Variants in PRKRA observed in about 807,000 individuals in gnomAD.
PRKRA encodes the protein protein activator of interferon induced protein kinase EIF2AK2.
A neutral mutation model predicts 32.4 loss-of-function variants in PRKRA; 22 were observed. That is an observed-to-expected ratio of 0.68 (90% CI 0.49 to 0.97). The LOEUF (loss-of-function observed/expected upper bound fraction) is 0.97, where lower values mean the gene tolerates loss of function less well. Among genes scored for constraint, PRKRA ranks in the 50% least tolerant of loss-of-function variants. The probability of loss-of-function intolerance (pLI) is 0.00; values close to 1 mark genes in which losing one functional copy is unlikely to be tolerated. For missense variants in PRKRA, 319 were observed against 375.6 expected, an observed-to-expected ratio of 0.85 and a Z score of 1.25; for synonymous variants, 139 against 129.8, an observed-to-expected ratio of 1.07 and a Z score of -0.48.
chr2:178,436,519 A>T (rs1475562965), intron 6 of PRKRA, among the ~76,000 whole-genome samples, 200 bp from the exon 7 acceptor site: 1 of 152,250 alleles, frequency 6.6e-6, no homozygotes, highest in Admixed American at 6.5e-5. Flanking sequence ...TATGTTTTTA[A>T]GAAGCACTTG....
chr2:178,438,509 C>G (rs1696991642), intron 6 of PRKRA, among the ~76,000 whole-genome samples: 1 of 152,154 alleles, frequency 6.6e-6, no homozygotes, highest in Non-Finnish European at 1.5e-5. Context: ...CTATTCCTGG[C>G]CCAGTAACTT....
intron 6 of PRKRA, among the ~76,000 whole-genome samples, chr2:178,441,038 C>T (rs1697092842): frequency 6.6e-6 from 1 of 152,194 alleles, no homozygotes; most frequent in South Asian, 2.1e-4. Flanking sequence ...TTTTTCTTCT[C>T]TCTGGAATTC....
At chr2:178,432,938 G>A (rs1216533083) in intron 7 of PRKRA, among the ~76,000 whole-genome samples, 7 of 152,162 alleles carry the variant, frequency 4.6e-5, no homozygotes, top group Non-Finnish European at 1.0e-4. Context: ...CCCATCAACT[G>A]ATGAGCCACT....
At chr2:178,446,862 G>A (rs1003523208) in intron 3 of PRKRA, among the ~76,000 whole-genome samples, 4 of 151,042 alleles carry the variant, frequency 2.6e-5, no homozygotes, top group East Asian at 1.9e-4. Context: ...GCGTAGTGGC[G>A]GGCGCCTGTA....
rs887816946 is a variant in PRKRA, at chr2:178,451,001, G to A, written c.30C>T (p.Ala10=). The change falls in exon 1 of 8, where the codon GCC becomes GCT. Residue 10 remains alanine (A), a synonymous_variant. Coordinates refer to ENST00000325748, the MANE Select transcript of PRKRA (RefSeq NM_003690.5). MSQSRHRAE[A]PPLEREDSGT... is the part of the protein sequence containing the mutation. ...CACTGTCCTCGCGCTCCAGCGGCGG[G>A]GCCTCGGCGCGGTGCCTGCTCTGGG... is the stretch of plus-strand genomic sequence containing the variant. The A allele has an allele frequency of 1.3e-6, 2 of 1,562,808 alleles. No individual in the cohort carries two copies. Among genetic ancestry groups the A allele is most frequent in the African/African-American group, 2.8e-5 (2 of 71,652 alleles).
rs570528133 is a variant in PRKRA at position 178,449,038 on chromosome 2, C to T, written c.235+1204G>A. Reference sequence around the variant, plus strand: ...TCTGTAACTGGGCTTGGGATGTAGACAGACATTTCAGAATATTAGTCTTTA... The same window carrying T: ...TCTGTAACTGGGCTTGGGATGTAGATAGACATTTCAGAATATTAGTCTTTA... On this transcript the variant is annotated intron_variant, in intron 2 of 7. Transcript: ENST00000325748. Among the ~76,000 whole-genome samples the T allele has an allele frequency of 1.6e-4, 24 of 152,296 alleles. No individual in the cohort carries two copies. In the East Asian group the frequency reaches 3.1e-3, roughly 20 times the overall value.
intron 3 of PRKRA, 163 bp downstream of exon 3, chr2:178,447,340 TAA>T (rs1190085947): frequency 2.4e-6 from 3 of 1,255,410 alleles, no homozygotes; most frequent in African/African-American, 3.0e-5. Context: ...TTTGATTGGA[TAA>T]AGTTTTCTTT....
chr2:178,449,439 ATTT>A (rs1167090045), intron 2 of PRKRA, among the ~76,000 whole-genome samples: 1 of 152,118 alleles, frequency 6.6e-6, no homozygotes, highest in African/African-American at 2.4e-5. Context: ...TTCCTACTAA[ATTT>A]TTTTCTTGGC....
chr2:178,436,962 C>G (rs919732248), intron 6 of PRKRA, among the ~76,000 whole-genome samples: 1 of 152,068 alleles, frequency 6.6e-6, no homozygotes, highest in Non-Finnish European at 1.5e-5. Flanking sequence ...CTTTTCATCT[C>G]TGTCCTTAGA....
chr2:178,447,045 TTAA>T (rs1697344694), intron 3 of PRKRA, among the ~76,000 whole-genome samples: 1 of 147,822 alleles, frequency 6.8e-6, no homozygotes, highest in African/African-American at 2.5e-5. Context: ...ATGTCAAGAA[TTAA>T]TATCCCACTT....
At chr2:178,438,411 CCCA>C (rs766784604) in intron 6 of PRKRA, among the ~76,000 whole-genome samples, 3 of 152,180 alleles carry the variant, frequency 2.0e-5, no homozygotes, top group Non-Finnish European at 4.4e-5. Context: ...CATCCTCTCA[CCCA>C]CTGATCTGAA....
chr2:178,447,793 GAAA>G lies in PRKRA; in HGVS notation c.236-210_236-208del, dbSNP rs542872236. Among the ~76,000 whole-genome samples the G allele has an allele frequency of 2.3e-3, 351 of 152,168 alleles. 3 individuals carry two copies. The highest frequency in any genetic ancestry group is 7.9e-3 in the African/African-American group (329 of 41,520). ...TACTGTAATAAAATATTCACCATGT[GAAA>G]AAATTTTAAAAAATAACTTTTTAAA... is the stretch of plus-strand genomic sequence containing the variant. On this transcript the variant is annotated intron_variant, in intron 2 of 7. Coordinates refer to ENST00000325748, the MANE Select transcript of PRKRA (RefSeq NM_003690.5).
chr2:178,442,117 T>G (rs1027396244), intron 5 of PRKRA, among the ~76,000 whole-genome samples: 6 of 152,148 alleles, frequency 3.9e-5, no homozygotes, highest in African/African-American at 1.4e-4. Context: ...ACTCCTTACC[T>G]CATATGATCG....
rs1696675761 is a variant in PRKRA, at chr2:178,432,015, C to T, written c.*82G>A. On this transcript the variant is annotated 3_prime_UTR_variant, in exon 8 of 8. Coordinates refer to ENST00000325748, the MANE Select transcript of PRKRA (RefSeq NM_003690.5). ...GAGATTTAGAAACAAGACATAAACA[C>T]TACGGTAAAAGTTTTACTTGGGAAG... 3.4e-6 allele frequency: 5 copies of T among 1,461,604 alleles called. No homozygotes were observed. The highest frequency in any genetic ancestry group is 4.8e-6 in the Non-Finnish European group (5 of 1,052,194). 90.5% of individuals were successfully genotyped at this position (1,461,604 alleles called of 1,614,324 possible). A position where few individuals can be genotyped will look rare whatever the true frequency, so the allele number is the denominator to read the frequency against.
chr2:178,447,371 A>G (rs1697361306), intron 3 of PRKRA, 134 bp downstream of exon 3: 7 of 1,463,932 alleles, frequency 4.8e-6, no homozygotes, highest in Non-Finnish European at 5.6e-6. Flanking sequence ...ATAAGTTTTC[A>G]TAAGGAAATA....
chr2:178,440,705 T>C (rs77053680), intron 6 of PRKRA, among the ~76,000 whole-genome samples: 297 of 152,360 alleles, frequency 1.9e-3, no homozygotes, highest in Non-Finnish European at 3.4e-3. Flanking sequence ...CAAGCTGTCA[T>C]GTCTCACGTG....
At chr2:178,442,127 G>A (rs1166420047) in intron 5 of PRKRA, among the ~76,000 whole-genome samples, 1 of 151,852 alleles carries the variant, frequency 6.6e-6, no homozygotes, top group African/African-American at 2.4e-5. Context: ...TCATATGATC[G>A]GCCCACCTCA....
At chr2:178,448,201 C>G (rs1697394333) in intron 2 of PRKRA, among the ~76,000 whole-genome samples, 1 of 152,142 alleles carries the variant, frequency 6.6e-6, no homozygotes. Flanking sequence ...GCATGGGTAG[C>G]TAAGTTGGGA....
In PRKRA at chr2:178,432,076, A is replaced by G. The variant is rs1202400235; in HGVS notation, c.*21T>C. 3.7e-6 allele frequency: 6 copies of G among 1,613,858 alleles called. No individual in the cohort carries two copies. On this transcript the variant is annotated 3_prime_UTR_variant, in exon 8 of 8. Transcript: ENST00000325748. ...GGAACTTTTTATGTGCTACTGAAAG[A>G]TTTTTTAAGTTGCTCCAGATTTACT...
Sources: gnomAD v4.1 joint callset for allele counts (sites outside exome capture counted in the v4.1 genomes callset) on GRCh38, gnomAD v4.1.1 for gene constraint, MANE v1.5 for transcripts, NCBI Gene and HGNC (gene_info 2026-07-23, HGNC 2026-07-21) for gene names.